The following WFDC13 variants were observed in gnomAD, a reference collection of about 807,000 sequenced individuals.
WFDC13 encodes the protein WAP four-disulfide core domain protein 13.
In WFDC13, 6 loss-of-function variants were observed where a neutral mutation model predicts 10.9. That is an observed-to-expected ratio of 0.55 (90% CI 0.30 to 1.09). The LOEUF (loss-of-function observed/expected upper bound fraction) is 1.09, where lower values mean the gene tolerates loss of function less well. WFDC13 is among the 50% of genes least tolerant of loss of function. WFDC13 has a pLI of 0.06. For synonymous variants in WFDC13, 38 were observed against 39.5 expected (o/e 0.96, Z 0.14); for missense variants, 104 against 109.6 (o/e 0.95, Z 0.23).
At chr20:45,705,265 A>G (rs1047837119) in intron 2 of WFDC13, 2 of 455,500 alleles carry the variant, frequency 4.4e-6, no homozygotes, top group Non-Finnish European at 8.0e-6. Context: ...TGCAAGGCCC[A>G]TATGAAATTT....
At chr20:45,707,468 C>T (rs951709527) in intron 3 of WFDC13, among the ~76,000 whole-genome samples, 1 of 151,946 alleles carries the variant, frequency 6.6e-6, no homozygotes, top group African/African-American at 2.4e-5. Context: ...ATATGAATTA[C>T]AATAAAATAA....
intron 3 of WFDC13, among the ~76,000 whole-genome samples, chr20:45,706,476 G>GA (rs1461182984): frequency 2.0e-5 from 3 of 152,092 alleles, no homozygotes; most frequent in Non-Finnish European, 4.4e-5. Context: ...TTTTTTCTCT[G>GA]AAAAAAGAGG....
intron 3 of WFDC13, among the ~76,000 whole-genome samples, chr20:45,706,387 T>C (rs1477099186): frequency 2.0e-5 from 3 of 152,132 alleles, no homozygotes; most frequent in Non-Finnish European, 4.4e-5. Flanking sequence ...CACAAGGCCA[T>C]GTAGATGGAA....
intron 2 of WFDC13, chr20:45,704,942 A>G (rs1240058137): frequency 6.2e-7 from 1 of 1,613,970 alleles, no homozygotes; most frequent in East Asian, 2.2e-5. Context: ...AAAATCCCAA[A>G]GCAAAATTTG....
At position 45,708,285 on chromosome 20, in the gene WFDC13, C is replaced by T. The variant is rs6017653; in HGVS notation, c.*450C>T. The T allele has an allele frequency of 0.44, 66,423 of 152,066 alleles. 15,067 individuals carry two copies. Among genetic ancestry groups the T allele is most frequent in the East Asian group, 0.77 (3,986 of 5,186 alleles). 9.4% of individuals were successfully genotyped at this position (152,066 alleles called of 1,614,324 possible). On this transcript the variant is annotated 3_prime_UTR_variant, in exon 4 of 4. Transcript: ENST00000305479. ...TGCATGGCAACCTCCTTGGGGCCAG[C>T]CTTCAAGGCTTCATGGCCATATCAT...
chr20:45,706,877 T>C (rs1355799419), intron 3 of WFDC13, among the ~76,000 whole-genome samples: 1 of 152,144 alleles, frequency 6.6e-6, no homozygotes, highest in Non-Finnish European at 1.5e-5. Context: ...AAAAAAATGA[T>C]AGTATTCATA....
intron 1 of WFDC13, among the ~76,000 whole-genome samples, chr20:45,704,006 C>A (rs397522): frequency 1.3e-5 from 2 of 152,106 alleles, no homozygotes; most frequent in South Asian, 2.1e-4. Context: ...ACACAAATAA[C>A]CCATGTTAGG....
chr20:45,702,265 G>A (rs1427180625), intron 1 of WFDC13, 54 bp downstream of exon 1: 12 of 1,538,582 alleles, frequency 7.8e-6, no homozygotes, highest in Admixed American at 5.6e-5. Flanking sequence ...GATAGGAGAG[G>A]ATCTGAGGGC....
At chr20:45,706,356 C>T (rs1600970684) in intron 3 of WFDC13, among the ~76,000 whole-genome samples, 1 of 152,262 alleles carries the variant, frequency 6.6e-6, no homozygotes, top group Non-Finnish European at 1.5e-5. Context: ...ACATCCATGC[C>T]TTGGGGTATT....
intron 1 of WFDC13, among the ~76,000 whole-genome samples, chr20:45,703,673 C>T (rs1190322830): frequency 6.6e-6 from 1 of 152,048 alleles, no homozygotes; most frequent in Non-Finnish European, 1.5e-5. Flanking sequence ...GGAAGACTCT[C>T]CCAGGGCAGG....
In WFDC13 at chr20:45,704,429, T is replaced by C. The variant is rs553727032; in HGVS notation, c.89-15T>C. On this transcript the variant is annotated splice_polypyrimidine_tract_variant and intron_variant, in intron 1 of 3. Coordinates refer to ENST00000305479, the MANE Select transcript of WFDC13 (RefSeq NM_172005.2). Reference sequence around the variant, plus strand: ...CTGTTGGTGAGGCCCTTCTCTTACTTGTTCTGTGTTCCAGAGTATATCTTG... The same window carrying C: ...CTGTTGGTGAGGCCCTTCTCTTACTCGTTCTGTGTTCCAGAGTATATCTTG... 442 of 1,607,730 alleles carry C rather than the reference T, an allele frequency of 2.7e-4. 4 individuals carry two copies. In the South Asian group the frequency reaches 4.5e-3, roughly 16 times the overall value.
At chr20:45,703,200 G>A (rs896737371) in intron 1 of WFDC13, among the ~76,000 whole-genome samples, 5 of 152,204 alleles carry the variant, frequency 3.3e-5, no homozygotes, top group African/African-American at 7.2e-5. Context: ...GGATCATGGT[G>A]TCTATCTCTA....
chr20:45,703,177 C>G (rs1984238455), intron 1 of WFDC13, among the ~76,000 whole-genome samples: 2 of 152,184 alleles, frequency 1.3e-5, no homozygotes, highest in Non-Finnish European at 2.9e-5. Context: ...AGGGTGACCT[C>G]TCTGAGATCT....
Position 45,702,107 on chromosome 20 carries a change from C to T in WFDC13, c.-17C>T. ...GCAACCCTTGGCCAGAACTTACTCA[C>T]CCATCCCACTGACACCATGAAGCCT... On this transcript the variant is annotated 5_prime_UTR_variant, in exon 1 of 4. Coordinates refer to ENST00000305479, the MANE Select transcript of WFDC13 (RefSeq NM_172005.2). 6.2e-7 allele frequency: 1 copy of T among 1,610,638 alleles called. No individual in the cohort carries two copies. The highest frequency in any genetic ancestry group is 8.5e-7 in the Non-Finnish European group (1 of 1,178,424).
At chr20:45,704,367 T>C in intron 1 of WFDC13, 77 bp from the exon 2 acceptor site, 1 of 1,525,946 alleles carries the variant, frequency 6.6e-7, no homozygotes, top group Admixed American at 2.1e-5. Flanking sequence ...TTCCTGGCAG[T>C]TCCCTGGGCT....
intron 1 of WFDC13, 46 bp downstream of exon 1, chr20:45,702,257 T>C (rs1984195519): frequency 1.3e-6 from 2 of 1,564,718 alleles, no homozygotes; most frequent in Non-Finnish European, 8.7e-7. Flanking sequence ...CATGTGTGGA[T>C]AGGAGAGGAT....
rs369273136 is a variant in WFDC13 at position 45,704,372 on chromosome 20, T to TG, written c.89-69dup. ...GGTGGCAGGTTTCCTGGCAGTTCCCTGGGCTTTCTGAGTTCTGAACATTAC... is the reference window on the plus strand; with the variant it reads ...GGTGGCAGGTTTCCTGGCAGTTCCCTGGGGCTTTCTGAGTTCTGAACATTAC... On this transcript the variant is annotated intron_variant, in intron 1 of 3. Coordinates refer to ENST00000305479, the MANE Select transcript of WFDC13 (RefSeq NM_172005.2). The TG allele has an allele frequency of 3.0e-4, 454 of 1,537,850 alleles. 3 individuals carry two copies. The African/African-American group carries it at 6.0e-3, about 20-fold the overall frequency.
rs75216546 is a variant in WFDC13 at position 45,704,466 on chromosome 20, C to T, written c.111C>T (p.Pro37=). The T allele has an allele frequency of 2.1e-3, 3,431 of 1,613,946 alleles. 62 individuals carry two copies. The African/African-American group carries it at 0.041, about 19-fold the overall frequency. ...CAGAGTATATCTTGGAACCTCCACC[C>T]TGCATATCAGCACCTGAAAACTGTA... is the stretch of plus-strand genomic sequence containing the variant. ...RVLKYILEPP[P]CISAPENCTH... is the part of the protein sequence containing the mutation. The change falls in exon 2 of 4, where the codon CCC becomes CCT. Residue 37 remains proline, a synonymous_variant. Transcript: ENST00000305479.
chr20:45,706,750 C>T (rs564979682), intron 3 of WFDC13, among the ~76,000 whole-genome samples: 12 of 146,162 alleles, frequency 8.2e-5, no homozygotes, highest in Non-Finnish European at 1.5e-4. Context: ...CCAGCCTGGG[C>T]GACAGAGTGA....
Sources: allele counts gnomAD v4.1 joint callset (sites outside exome capture counted in the v4.1 genomes callset), GRCh38; gene constraint gnomAD v4.1.1; transcripts MANE v1.5; gene names NCBI Gene and HGNC (gene_info 2026-07-23, HGNC 2026-07-21).